STON2: variants seen among roughly 807,000 people sequenced by gnomAD.
STON2 encodes stonin-2.
In STON2, 29 loss-of-function variants were observed where a neutral mutation model predicts 65.7. The ratio of observed to expected loss-of-function variants is 0.44; its 90% confidence interval spans 0.33 to 0.60. The LOEUF (loss-of-function observed/expected upper bound fraction) is 0.60, where lower values mean the gene tolerates loss of function less well. Ranked by LOEUF, STON2 falls within the 20% of genes least tolerant of loss-of-function variation. The pLI is 0.03. For synonymous variants in STON2, 404 were observed against 414.2 expected (o/e 0.98, Z 0.30); for missense variants, 1,054 against 1,118.1 (o/e 0.94, Z 0.82).
intron 3 of STON2, among the ~76,000 whole-genome samples, chr14:81,383,576 T>C (rs1899640080): frequency 6.6e-6 from 1 of 152,216 alleles, no homozygotes; most frequent in East Asian, 1.9e-4. Flanking sequence ...AGTTGCTCCA[T>C]CACAATTTTT....
At chr14:81,271,530 C>T (rs1383984668) in intron 6 of STON2, among the ~76,000 whole-genome samples, 2 of 152,076 alleles carry the variant, frequency 1.3e-5, no homozygotes, top group African/African-American at 2.4e-5. Context: ...GCCTCAATTC[C>T]TCCTCTGTAA....
At chr14:81,431,004 C>G (rs73344130) in intron 1 of STON2, among the ~76,000 whole-genome samples, 2,601 of 152,222 alleles carry the variant, frequency 0.017, 80 homozygotes, top group African/African-American at 0.059. Flanking sequence ...GAAACCTGAG[C>G]TGGAGGGAAC....
chr14:81,335,710 T>C (rs901097235), intron 4 of STON2, among the ~76,000 whole-genome samples: 1 of 152,140 alleles, frequency 6.6e-6, no homozygotes, highest in African/African-American at 2.4e-5. Flanking sequence ...GGATTTACTA[T>C]GGAGTCAGTC....
chr14:81,269,671 T>C (rs891229841), intron 7 of STON2: 1 of 985,278 alleles, frequency 1.0e-6, no homozygotes, highest in Middle Eastern at 5.2e-4. Flanking sequence ...AGGAAACATT[T>C]AGAGGAACAA....
At chr14:81,338,473 G>C (rs962337733) in intron 4 of STON2, among the ~76,000 whole-genome samples, 3 of 152,148 alleles carry the variant, frequency 2.0e-5, no homozygotes, top group Non-Finnish European at 4.4e-5. Context: ...CTGTCTGGCT[G>C]TTATCCTTTA....
intron 4 of STON2, among the ~76,000 whole-genome samples, chr14:81,343,998 C>T (rs546080169): frequency 7.9e-5 from 12 of 152,182 alleles, no homozygotes; most frequent in Non-Finnish European, 1.5e-4. Flanking sequence ...GTAAAGAATA[C>T]GGAACTAGCA....
chr14:81,388,833 G>A (rs530319029), intron 3 of STON2, among the ~76,000 whole-genome samples: 7 of 152,284 alleles, frequency 4.6e-5, no homozygotes, highest in African/African-American at 1.7e-4. Context: ...TGTGTTATGT[G>A]TGTGTGCTAG....
In STON2 at chr14:81,317,898, C is replaced by T. The variant is rs530499990; in HGVS notation, c.742+6119G>A. On this transcript the variant is annotated intron_variant, in intron 5 of 7. Coordinates refer to ENST00000614646, the MANE Select transcript of STON2 (RefSeq NM_001394390.1). Reference sequence around the variant, plus strand: ...AGGCATTCTACAGGAATTCCAATGCCATCTCTGCAGCTATCAAGTTTGAGA... The same window carrying T: ...AGGCATTCTACAGGAATTCCAATGCTATCTCTGCAGCTATCAAGTTTGAGA... 2.3e-4 allele frequency among the ~76,000 whole-genome samples: 35 copies of T among 152,202 alleles called. No homozygotes were observed. The South Asian group carries it at 5.4e-3, about 23-fold the overall frequency.
In STON2 at chr14:81,407,169, A is replaced by C. The variant is rs537787793; in HGVS notation, c.-198-8589T>G. Among the ~76,000 whole-genome samples the C allele has an allele frequency of 7.9e-5, 12 of 152,334 alleles. No homozygotes were observed. The South Asian group carries it at 2.3e-3, about 29-fold the overall frequency. On this transcript the variant is annotated intron_variant, in intron 2 of 8. Coordinates refer to the STON2 transcript ENST00000553821. ...CTGTTTTGTGGTTGTTCGCTGCAGA[A>C]GAAGGGCTAGTTACCAAGTATAACC...
intron 3 of STON2, among the ~76,000 whole-genome samples, chr14:81,378,349 G>T (rs1249590358): frequency 6.6e-6 from 1 of 152,088 alleles, no homozygotes; most frequent in Non-Finnish European, 1.5e-5. Context: ...CAGAGTAGCT[G>T]GAACTACAGG....
At chr14:81,421,750 G>A (rs561154591) in intron 2 of STON2, among the ~76,000 whole-genome samples, 1 of 152,330 alleles carries the variant, frequency 6.6e-6, no homozygotes, top group East Asian at 1.9e-4. Context: ...AAAGGGAGGT[G>A]ATGAGCTTAG....
intron 4 of STON2, among the ~76,000 whole-genome samples, chr14:81,330,382 T>TA (rs910413504): frequency 6.6e-6 from 1 of 152,100 alleles, no homozygotes; most frequent in African/African-American, 2.4e-5. Context: ...GAGACTGAGT[T>TA]ACGATCTTTG....
rs750515144 is a variant in STON2, at chr14:81,277,168, C to T, written c.2314G>A (p.Ala772Thr). The change falls in exon 6 of 8, where the codon GCC becomes ACC. Residue 772 changes from alanine (A) to threonine (T), a missense_variant. Coordinates refer to ENST00000614646, the MANE Select transcript of STON2 (RefSeq NM_001394390.1). ...ACCTGAGTGAGGGGGTCACGATTGGCGGAGAAGCCAGTTGACATCCTCAGC... is the reference window on the plus strand; with the variant it reads ...ACCTGAGTGAGGGGGTCACGATTGGTGGAGAAGCCAGTTGACATCCTCAGC... ...SWLRMSTGFSANRDPLTQVPC... is the reference protein window; with the variant it reads ...SWLRMSTGFSTNRDPLTQVPC... 6 of 1,614,088 alleles carry T rather than the reference C, an allele frequency of 3.7e-6. No homozygotes were observed. The East Asian group carries it at 6.7e-5, about 18-fold the overall frequency.
At chr14:81,292,334 C>CA (rs1438930469) in intron 5 of STON2, among the ~76,000 whole-genome samples, 6 of 152,136 alleles carry the variant, frequency 3.9e-5, no homozygotes, top group Admixed American at 6.5e-5. Context: ...GCAGCAATGA[C>CA]AAAAAGAGGA....
chr14:81,416,740 A>G (rs1313592279), intron 2 of STON2, among the ~76,000 whole-genome samples: 1 of 152,214 alleles, frequency 6.6e-6, no homozygotes, highest in Non-Finnish European at 1.5e-5. Flanking sequence ...CTGTGACCAA[A>G]GCTATGACCA....
chr14:81,322,028 G>A, intron 5 of STON2, among the ~76,000 whole-genome samples: 1 of 152,172 alleles, frequency 6.6e-6, no homozygotes, highest in Non-Finnish European at 1.5e-5. Flanking sequence ...TGTTCAGCCT[G>A]CTGCGACTGG....
intron 5 of STON2, among the ~76,000 whole-genome samples, chr14:81,303,098 G>A (rs1339405215): frequency 2.0e-5 from 3 of 151,342 alleles, no homozygotes; most frequent in Non-Finnish European, 4.4e-5. Context: ...AAGAGATAAT[G>A]AATACAAATG....
At chr14:81,305,201 C>G (rs1179141789) in intron 5 of STON2, among the ~76,000 whole-genome samples, 1 of 152,224 alleles carries the variant, frequency 6.6e-6, no homozygotes, top group Non-Finnish European at 1.5e-5. Flanking sequence ...GAGAGCCAGG[C>G]TTCTATGAAT....
At chr14:81,382,544 GA>G (rs144531107) in intron 3 of STON2, among the ~76,000 whole-genome samples, 2,029 of 152,270 alleles carry the variant, frequency 0.013, 52 homozygotes, top group African/African-American at 0.046. Context: ...TGGTGATACA[GA>G]GGGGAGGGAA....
Sources: gnomAD v4.1 joint callset for allele counts (sites outside exome capture counted in the v4.1 genomes callset) on GRCh38, gnomAD v4.1.1 for gene constraint, MANE v1.5 for transcripts, NCBI Gene and HGNC (gene_info 2026-07-23, HGNC 2026-07-21) for gene names.